ATG7: variants seen among roughly 807,000 people sequenced by gnomAD.
ATG7 encodes the protein ubiquitin-like modifier-activating enzyme ATG7.
In ATG7, 70 loss-of-function variants were observed where a neutral mutation model predicts 82.4. That is an observed-to-expected ratio of 0.85 (90% CI 0.70 to 1.04). ATG7 has a LOEUF of 1.04. Among genes scored for constraint, ATG7 ranks in the 50% least tolerant of loss-of-function variants. ATG7 has a pLI of 0.00. For synonymous variants in ATG7, 287 were observed against 313.0 expected, an observed-to-expected ratio of 0.92 and a Z score of 0.88; for missense variants, 792 against 864.3, an observed-to-expected ratio of 0.92 and a Z score of 1.05.
In ATG7 at chr3:11,318,425, G is replaced by A. The variant is rs533106105; in HGVS notation, c.678+2932G>A. Among the ~76,000 whole-genome samples, 11 of 152,324 alleles carry A rather than the reference G, an allele frequency of 7.2e-5. 1 individual carries two copies. The South Asian group carries it at 1.9e-3, about 26-fold the overall frequency. ...GAGAATTGATACGGGTGATACTTTG[G>A]TTGGTCTTCTATGCCTTATCTTATT... On this transcript the variant is annotated intron_variant, in intron 9 of 20. Coordinates refer to ENST00000693202, the MANE Select transcript of ATG7 (RefSeq NM_001349232.2).
In ATG7 at chr3:11,277,604, G is replaced by A. The variant is rs565643058; in HGVS notation, c.-365-3390G>A. ...GACTTCAAAAGGGGAGGGGGTGTGC[G>A]AACAGGGAGTGGGTCACAAAGATCA... On this transcript the variant is annotated intron_variant, in intron 1 of 20. Coordinates refer to ENST00000693202, the MANE Select transcript of ATG7 (RefSeq NM_001349232.2). Among the ~76,000 whole-genome samples, 57 of 152,292 alleles carry A rather than the reference G, an allele frequency of 3.7e-4. 2 individuals carry two copies. The Middle Eastern group carries it at 0.02, about 55-fold the overall frequency.
chr3:11,388,538 C>T (rs1005064363), intron 19 of ATG7, among the ~76,000 whole-genome samples: 83 of 151,800 alleles, frequency 5.5e-4, no homozygotes, highest in African/African-American at 1.9e-3. Flanking sequence ...ATGCCATTCT[C>T]CTGCCTCAGC....
At chr3:11,395,756 C>T (rs371987302) in intron 19 of ATG7, among the ~76,000 whole-genome samples, 12 of 151,834 alleles carry the variant, frequency 7.9e-5, no homozygotes, top group African/African-American at 1.7e-4. Flanking sequence ...CTGGCTAACA[C>T]GGTGAAACCC....
At chr3:11,535,088 C>T (rs983890265) in intron 20 of ATG7, among the ~76,000 whole-genome samples, 2 of 152,238 alleles carry the variant, frequency 1.3e-5, no homozygotes, top group South Asian at 2.1e-4. Flanking sequence ...AAAGGCCCAG[C>T]GGATTCTTCC....
At chr3:11,307,160 A>G in intron 6 of ATG7, 100 bp downstream of exon 6, 1 of 1,097,188 alleles carries the variant, frequency 9.1e-7, no homozygotes, top group Non-Finnish European at 1.4e-6. Context: ...AAACTGGCAT[A>G]TGAAGGGAAC....
At chr3:11,366,549 C>T (rs187089405) in intron 18 of ATG7, among the ~76,000 whole-genome samples, 14 of 152,308 alleles carry the variant, frequency 9.2e-5, no homozygotes, top group African/African-American at 3.4e-4. Flanking sequence ...GAATCTTTCC[C>T]AAGTCTCCCG....
At chr3:11,564,757 C>G in the ATG7 span, 1 of 1,529,286 alleles carries the variant, frequency 6.5e-7, no homozygotes, top group Non-Finnish European at 8.7e-7. Flanking sequence ...GTCCCCCAGC[C>G]CCTGGACTCC....
In ATG7 at chr3:11,364,690, C is replaced by A; in HGVS notation, c.1831C>A (p.Arg611=). 2 of 1,614,134 alleles carry A rather than the reference C, an allele frequency of 1.2e-6. No individual in the cohort carries two copies. The highest frequency in any genetic ancestry group is 1.1e-5 in the South Asian group (1 of 91,078). ...TGCCATTGCCAGCAGCAGTGACGAT[C>A]GGATGAATGAGCCTCCAACCTCTCT... ...GYAIASSSDD[R]MNEPPTSLGL... is the part of the protein sequence containing the mutation. Residue 611 remains arginine, a synonymous_variant, in exon 18 of 21, where the codon CGG becomes AGG. Coordinates refer to ENST00000693202, the MANE Select transcript of ATG7 (RefSeq NM_001349232.2).
intron 20 of ATG7, among the ~76,000 whole-genome samples, chr3:11,490,944 T>C (rs1056737820): frequency 2.6e-5 from 4 of 152,268 alleles, no homozygotes; most frequent in African/African-American, 7.2e-5. Flanking sequence ...CTGACAATTA[T>C]GTGTCTTGGA....
chr3:11,501,498 T>G (rs918168344), intron 20 of ATG7, among the ~76,000 whole-genome samples: 1 of 152,062 alleles, frequency 6.6e-6, no homozygotes, highest in Admixed American at 6.6e-5. Flanking sequence ...TTGAAACAGT[T>G]GAGGAAATTT....
intron 20 of ATG7, among the ~76,000 whole-genome samples, chr3:11,507,544 TTC>T (rs1259229515): frequency 6.6e-6 from 1 of 152,232 alleles, no homozygotes; most frequent in Non-Finnish European, 1.5e-5. Context: ...TACCTATAAT[TTC>T]TGTTATTGAC....
At chr3:11,435,649 C>T (rs1172725911) in intron 20 of ATG7, among the ~76,000 whole-genome samples, 2 of 152,182 alleles carry the variant, frequency 1.3e-5, no homozygotes, top group African/African-American at 4.8e-5. Context: ...CCATGTTCCT[C>T]TGTGTGGGCC....
intron 18 of ATG7, among the ~76,000 whole-genome samples, chr3:11,374,379 A>G (rs961223860): frequency 6.6e-6 from 1 of 152,248 alleles, no homozygotes. Flanking sequence ...AGCATTCCAC[A>G]TGCAAAAGAA....
chr3:11,328,812 C>T (rs1437139347), intron 9 of ATG7, among the ~76,000 whole-genome samples: 1 of 152,192 alleles, frequency 6.6e-6, no homozygotes, highest in Non-Finnish European at 1.5e-5. Flanking sequence ...TTAGGCCAGG[C>T]GCAGTGGCTC....
chr3:11,439,419 A>C (rs1576420064), intron 20 of ATG7, among the ~76,000 whole-genome samples: 1 of 152,210 alleles, frequency 6.6e-6, no homozygotes, highest in East Asian at 1.9e-4. Context: ...GGGAGCAGGG[A>C]GGGAAGGGAA....
chr3:11,565,687 C>T, the ATG7 span, among the ~76,000 whole-genome samples: 1 of 152,342 alleles, frequency 6.6e-6, no homozygotes, highest in African/African-American at 2.4e-5. The surrounding 1 kb of genome is among the most constrained non-coding windows in gnomAD (Gnocchi z 4.1). Context: ...GAGTGACCTG[C>T]GTCCAGAAGG....
At chr3:11,418,336 C>T (rs1327063338) in intron 19 of ATG7, among the ~76,000 whole-genome samples, 1 of 151,042 alleles carries the variant, frequency 6.6e-6, no homozygotes, top group African/African-American at 2.4e-5. Flanking sequence ...TGGCCTTGAA[C>T]TCCTGGACTC....
chr3:11,501,036 C>G (rs561469793), intron 20 of ATG7, among the ~76,000 whole-genome samples: 1 of 152,204 alleles, frequency 6.6e-6, no homozygotes. Context: ...GCGAGGATCA[C>G]TTGAGGCCAG....
intron 20 of ATG7, among the ~76,000 whole-genome samples, chr3:11,486,220 G>T (rs897220923): frequency 6.6e-6 from 1 of 152,168 alleles, no homozygotes; most frequent in Non-Finnish European, 1.5e-5. Flanking sequence ...TATTTCATGA[G>T]CAGTGGTTTG....
Sources: allele counts gnomAD v4.1 joint callset (sites outside exome capture counted in the v4.1 genomes callset), GRCh38; gene constraint gnomAD v4.1.1; non-coding constraint Gnocchi (gnomAD v3.1); transcripts MANE v1.5; gene names NCBI Gene and HGNC (gene_info 2026-07-23, HGNC 2026-07-21).